The following MCC variants were observed in gnomAD, a reference collection of about 807,000 sequenced individuals.
MCC encodes colorectal mutant cancer protein.
In MCC, 90 loss-of-function variants were observed where a neutral mutation model predicts 116.2. That is an observed-to-expected ratio of 0.77 (90% CI 0.65 to 0.92). The LOEUF is 0.92. Among genes scored for constraint, MCC ranks in the 40% least tolerant of loss-of-function variants. The pLI is 0.00. For synonymous variants in MCC, 578 were observed against 510.5 expected (o/e 1.13, Z -1.78); for missense variants, 1,516 against 1,312.2 (o/e 1.16, Z -2.40).
chr5:113,447,247 C>A (rs1265794961), intron 1 of MCC, among the ~76,000 whole-genome samples: 1 of 152,124 alleles, frequency 6.6e-6, no homozygotes, highest in Non-Finnish European at 1.5e-5. Context: ...GTAAGTCCTG[C>A]ATGAGACAAA....
At chr5:113,074,704 G>C (rs571443648) in intron 11 of MCC, among the ~76,000 whole-genome samples, 1 of 152,334 alleles carries the variant, frequency 6.6e-6, no homozygotes, top group African/African-American at 2.4e-5. Context: ...TGACCTGAAG[G>C]AGCTGAAAAC....
intron 1 of MCC, among the ~76,000 whole-genome samples, chr5:113,430,635 A>G (rs1047546233): frequency 2.6e-5 from 4 of 152,204 alleles, no homozygotes; most frequent in African/African-American, 9.7e-5. Context: ...AAGCATGTAT[A>G]TGAGAGGTAA....
chr5:113,069,593 G>C (rs1363513477), intron 12 of MCC, among the ~76,000 whole-genome samples: 1 of 152,176 alleles, frequency 6.6e-6, no homozygotes, highest in African/African-American at 2.4e-5. Context: ...CTTTGAGACG[G>C]AGTCTCGCTC....
At chr5:113,189,516 G>C (rs935043707) in intron 3 of MCC, among the ~76,000 whole-genome samples, 2 of 152,142 alleles carry the variant, frequency 1.3e-5, no homozygotes, top group African/African-American at 4.8e-5. Flanking sequence ...GGCCATCCAG[G>C]TTCACTATGA....
chr5:113,076,020 C>T (rs1050988302), intron 11 of MCC, among the ~76,000 whole-genome samples: 3 of 152,094 alleles, frequency 2.0e-5, no homozygotes, highest in Admixed American at 1.3e-4. Flanking sequence ...GAAGAAACTC[C>T]GGACACGTCT....
At chr5:113,211,674 T>C (rs371068472) in intron 3 of MCC, among the ~76,000 whole-genome samples, 11 of 152,336 alleles carry the variant, frequency 7.2e-5, no homozygotes, top group African/African-American at 2.6e-4. Flanking sequence ...TAGCAGAATT[T>C]GGTAAATGTG....
intron 14 of MCC, among the ~76,000 whole-genome samples, chr5:113,056,690 G>A (rs1286324255): frequency 6.6e-6 from 1 of 152,044 alleles, no homozygotes; most frequent in Non-Finnish European, 1.5e-5. Flanking sequence ...GTTTACCTAT[G>A]TAACAACCGT....
At chr5:113,231,323 T>G (rs17135465) in intron 3 of MCC, among the ~76,000 whole-genome samples, 9,342 of 152,270 alleles carry the variant, frequency 0.061, 347 homozygotes, top group African/African-American at 0.076. Flanking sequence ...AGGAGTTCAG[T>G]TTGTATTACA....
intron 3 of MCC, among the ~76,000 whole-genome samples, chr5:113,315,923 T>C (rs932019075): frequency 6.6e-6 from 1 of 151,326 alleles, no homozygotes; most frequent in African/African-American, 2.4e-5. Context: ...CATTTCTTCT[T>C]TCGAAGTGCC....
At chr5:113,064,418 C>A in intron 13 of MCC, among the ~76,000 whole-genome samples, 1 of 152,238 alleles carries the variant, frequency 6.6e-6, no homozygotes, top group Non-Finnish European at 1.5e-5. Flanking sequence ...AGGAGTTAAC[C>A]AATGGGATCA....
intron 6 of MCC, among the ~76,000 whole-genome samples, chr5:113,107,345 G>A (rs991284023): frequency 6.6e-6 from 1 of 151,882 alleles, no homozygotes; most frequent in East Asian, 1.9e-4. Context: ...AGCCTCCCGA[G>A]TAGCTTGGAT....
At chr5:113,469,723 T>G (rs1246082008) in intron 1 of MCC, among the ~76,000 whole-genome samples, 1 of 152,216 alleles carries the variant, frequency 6.6e-6, no homozygotes, top group Non-Finnish European at 1.5e-5. Flanking sequence ...CTGAGTTCAA[T>G]TCCTGGGTAT....
chr5:113,423,880 TG>T (rs1346656123), intron 1 of MCC, among the ~76,000 whole-genome samples: 1 of 152,132 alleles, frequency 6.6e-6, no homozygotes, highest in Non-Finnish European at 1.5e-5. Flanking sequence ...ATCCTGAAAT[TG>T]GGGAATTCAG....
At chr5:113,076,996 G>A (rs911330682) in intron 11 of MCC, among the ~76,000 whole-genome samples, 6 of 151,988 alleles carry the variant, frequency 3.9e-5, no homozygotes, top group African/African-American at 1.4e-4. Context: ...AAAGAAGCAG[G>A]GGTTGCAATC....
At chr5:113,113,737 A>G (rs1757233717) in intron 6 of MCC, among the ~76,000 whole-genome samples, 1 of 151,966 alleles carries the variant, frequency 6.6e-6, no homozygotes, top group Non-Finnish European at 1.5e-5. Context: ...TGATACCACT[A>G]ACCTGATAAC....
intron 1 of MCC, among the ~76,000 whole-genome samples, chr5:113,415,475 C>CT (rs1399472911): frequency 1.3e-5 from 2 of 152,100 alleles, no homozygotes; most frequent in Non-Finnish European, 2.9e-5. Context: ...TCTTTTTATG[C>CT]TTTTTTCTCT....
intron 8 of MCC, among the ~76,000 whole-genome samples, chr5:113,087,770 CTTTT>C (rs35866912): frequency 2.1e-5 from 3 of 143,282 alleles, no homozygotes; most frequent in African/African-American, 5.1e-5. Context: ...GCCTACTCAT[CTTTT>C]TTTTTTTTTT....
chr5:113,316,650 G>A (rs76007320), intron 3 of MCC, among the ~76,000 whole-genome samples: 3,161 of 152,146 alleles, frequency 0.021, 35 homozygotes, highest in Middle Eastern at 0.027. Flanking sequence ...CATCTACAGG[G>A]ATATAAAAGT....
chr5:113,098,859 G>A (rs1195585394), intron 8 of MCC, among the ~76,000 whole-genome samples: 1 of 152,154 alleles, frequency 6.6e-6, no homozygotes, highest in Non-Finnish European at 1.5e-5. Context: ...ATGAACTATG[G>A]ATTCAGAGCT....
Sources: gnomAD v4.1 joint callset for allele counts (sites outside exome capture counted in the v4.1 genomes callset) on GRCh38, gnomAD v4.1.1 for gene constraint, MANE v1.5 for transcripts, NCBI Gene and HGNC (gene_info 2026-07-23, HGNC 2026-07-21) for gene names.